The following WDR1 variants were observed in gnomAD, a reference collection of about 807,000 sequenced individuals.
WDR1 encodes WD repeat domain 1.
A neutral mutation model predicts 71.9 loss-of-function variants in WDR1; 21 were observed. The ratio of observed to expected loss-of-function variants is 0.29; its 90% CI spans 0.21 to 0.42. The LOEUF (loss-of-function observed/expected upper bound fraction) is 0.42, where lower values mean the gene tolerates loss of function less well. Among genes scored for constraint, WDR1 ranks in the 10% least tolerant of loss-of-function variants. The pLI is 1.00. For synonymous variants in WDR1, 424 were observed against 347.4 expected, an observed-to-expected ratio of 1.22 and a Z score of -2.45; for missense variants, 696 against 824.5, an observed-to-expected ratio of 0.84 and a Z score of 1.91.
At chr4:10,077,678 C>T in intron 13 of WDR1, 75 bp downstream of exon 13, 1 of 1,479,120 alleles carries the variant, frequency 6.8e-7, no homozygotes, top group Non-Finnish European at 9.0e-7. Flanking sequence ...TCAAGGTCAC[C>T]AAGTCACAGA....
At chr4:10,081,663 TG>T (rs57903680) in intron 10 of WDR1, among the ~76,000 whole-genome samples, 28,882 of 73,102 alleles carry the variant, frequency 0.4, 4,782 homozygotes, top group East Asian at 0.58. Flanking sequence ...CGGGGAGGGG[TG>T]GGGGGGGGGG....
intron 2 of WDR1, among the ~76,000 whole-genome samples, chr4:10,107,501 C>T (rs1008736614): frequency 2.0e-5 from 3 of 152,324 alleles, no homozygotes; most frequent in Admixed American, 1.3e-4. Context: ...GCCCACTCGT[C>T]GCTACCCTGC....
Position 10,078,989 on chromosome 4 carries a change from T to A in WDR1, c.1297A>T (p.Lys433Ter). 6.2e-7 allele frequency: 1 copy of A among 1,606,624 alleles called. No individual in the cohort carries two copies. Residue 433 changes from lysine (K) to a stop codon, truncating the protein, a stop_gained, in exon 12 of 15, where the codon AAG (lysine) becomes TAG (stop). Transcript: ENST00000499869. LOFTEE classifies it high-confidence loss of function. ...ATGCTGAAGCACTTCCTCTGATCCT[T>A]CAGCAGGACAATCTGTGGCACACAC... ...VVCIGQIVLL[K>*]DQRKCFSIDN...
At chr4:10,083,461 T>C (rs78118242) in intron 9 of WDR1, among the ~76,000 whole-genome samples, 222 of 152,274 alleles carry the variant, frequency 1.5e-3, no homozygotes, top group African/African-American at 5.1e-3. Flanking sequence ...GCGTCTCCTC[T>C]GCTACTAGTT....
intron 4 of WDR1, among the ~76,000 whole-genome samples, chr4:10,098,558 C>G (rs887390798): frequency 3.3e-5 from 5 of 152,208 alleles, no homozygotes; most frequent in Admixed American, 2.0e-4. Context: ...CAGCCAGCAT[C>G]CACTGCCCCT....
Position 10,110,523 on chromosome 4 carries a change from T to C in WDR1, c.138+5590A>G, listed in dbSNP as rs766972869. Among the ~76,000 whole-genome samples the C allele has an allele frequency of 2.0e-5, 3 of 152,194 alleles. No individual in the cohort carries two copies. In the South Asian group the frequency reaches 6.2e-4, roughly 32 times the overall value. ...AGAGGACCCAGGTACACATGCTGTT[T>C]CCTGCCTGGTTTCTCCCCACCTCTG... is the stretch of plus-strand genomic sequence containing the variant. On this transcript the variant is annotated intron_variant, in intron 2 of 14. Transcript: ENST00000499869.
intron 11 of WDR1, among the ~76,000 whole-genome samples, chr4:10,080,041 C>G (rs937300110): frequency 5.9e-5 from 9 of 152,168 alleles, no homozygotes; most frequent in Non-Finnish European, 1.5e-5. Flanking sequence ...TTCCAGATGC[C>G]CTGGGAGGAT....
intron 8 of WDR1, among the ~76,000 whole-genome samples, chr4:10,085,522 C>G (rs1053860391): frequency 2.0e-5 from 3 of 152,246 alleles, no homozygotes; most frequent in Non-Finnish European, 4.4e-5. Flanking sequence ...GGACCTCAGA[C>G]CAGCACAGCC....
In WDR1 at chr4:10,084,429, G is replaced by C. The variant is rs370935468; in HGVS notation, c.1039+14C>G. On this transcript the variant is annotated intron_variant, in intron 9 of 14. Coordinates refer to ENST00000499869, the MANE Select transcript of WDR1 (RefSeq NM_017491.5). The stretch of plus-strand genomic sequence containing the variant: ...CCAGCGGCTCCGGAGCCAGCTCTTT[G>C]AGTCAAAGGATATTAATGTGTCCGT... The C allele has an allele frequency of 5.6e-5, 90 of 1,612,246 alleles. No homozygotes were observed. The highest frequency in any genetic ancestry group is 7.3e-5 in the Non-Finnish European group (86 of 1,178,926).
chr4:10,099,157 CGGGGGAGG>C lies in WDR1; in HGVS notation c.230-26_230-19del, dbSNP rs771047265. On this transcript the variant is annotated intron_variant, in intron 3 of 14. Coordinates refer to ENST00000499869, the MANE Select transcript of WDR1 (RefSeq NM_017491.5). Reference sequence around the variant, plus strand: ...AGACACATCTGTGGGGCACAGCGGGCGGGGGAGGGGGGGAGGCGGTGGTGGGGTAAAGG... The same window carrying C: ...AGACACATCTGTGGGGCACAGCGGGCGGGGGAGGCGGTGGTGGGGTAAAGG... The C allele has an allele frequency of 4.4e-4, 100 of 226,020 alleles. No individual in the cohort carries two copies. Among genetic ancestry groups the C allele is most frequent in the Non-Finnish European group, 6.3e-4 (93 of 148,590 alleles). The allele number at this position is 226,020 out of a possible 1,614,324, so 14.0% of individuals were successfully genotyped here.
chr4:10,092,711 C>T (rs547479823), intron 5 of WDR1: 18 of 264,140 alleles, frequency 6.8e-5, no homozygotes, highest in Non-Finnish European at 1.2e-4. Context: ...GCCCATTAAC[C>T]AAAAAAAGCG....
At chr4:10,078,821 C>T (rs1422322515) in intron 12 of WDR1, 70 bp downstream of exon 12, 2 of 1,361,934 alleles carry the variant, frequency 1.5e-6, no homozygotes, top group African/African-American at 1.5e-5. Context: ...GGTACTCACA[C>T]AGCTCACACT....
intron 5 of WDR1, chr4:10,094,761 T>C (rs1321644958): frequency 6.6e-6 from 1 of 152,196 alleles, no homozygotes; most frequent in Non-Finnish European, 1.5e-5. Context: ...ACTCCCATCT[T>C]CCTGGAGCCT....
Position 10,113,634 on chromosome 4 carries a change from C to T in WDR1, c.138+2479G>A, listed in dbSNP as rs79223582. ...GCAACAAGGGTGAAAGCAAGGAGAC[C>T]TGTTTGGTTTTCGGGAGTCTGGGGG... On this transcript the variant is annotated intron_variant, in intron 2 of 14. Transcript: ENST00000499869. Among the ~76,000 whole-genome samples the T allele has an allele frequency of 8.6e-3, 1,306 of 152,292 alleles. 17 individuals are homozygous for T. Among genetic ancestry groups the T allele is most frequent in the African/African-American group, 0.03 (1,226 of 41,552 alleles).
intron 7 of WDR1, 97 bp from the exon 8 acceptor site, chr4:10,088,037 C>A: frequency 8.3e-7 from 1 of 1,207,620 alleles, no homozygotes; most frequent in East Asian, 2.5e-5. Flanking sequence ...TTGAGTAGGA[C>A]AGAAGGAGCC....
At position 10,116,343 on chromosome 4, in the gene WDR1, C is replaced by T. The variant is rs747105212; in HGVS notation, c.17-109G>A. On this transcript the variant is annotated intron_variant, in intron 1 of 14. Coordinates refer to ENST00000499869, the MANE Select transcript of WDR1 (RefSeq NM_017491.5). ...CTCGGCCGGTCACCTGTTGACTGCG[C>T]CGGGAGGGCGGCCTCCACTTTCCAC... 3.4e-6 allele frequency: 5 copies of T among 1,484,864 alleles called. No homozygotes were observed. In the African/African-American group the frequency reaches 4.2e-5, roughly 12 times the overall value. The allele number at this position is 1,484,864 out of a possible 1,614,324, so 92.0% of individuals were successfully genotyped here.
rs1374830888 is a variant in WDR1 at position 10,097,724 on chromosome 4, T to C, written c.545A>G (p.Lys182Arg). 1 of 1,608,048 alleles carries C rather than the reference T, an allele frequency of 6.2e-7. No homozygotes were observed. Among genetic ancestry groups the C allele is most frequent in the African/African-American group, 1.3e-5 (1 of 74,722 alleles). ...AFFEGPPFKFKFTIGDHSRFV... is the reference protein window; with the variant it reads ...AFFEGPPFKFRFTIGDHSRFV... ...AAGTTCACTTACGCCAATTGTGAAC[T>C]TGAACTTGAATGGGGGTCCCTCAAA... is the stretch of plus-strand genomic sequence containing the variant. The change falls in exon 5 of 15, where the codon AAG (lysine) becomes AGG (arginine). Residue 182 changes from lysine to arginine, a missense_variant. Transcript: ENST00000499869.
rs535181940 is a variant in WDR1, at chr4:10,104,541, A to G, written c.139-555T>C. Among the ~76,000 whole-genome samples, 4 of 152,338 alleles carry G rather than the reference A, an allele frequency of 2.6e-5. No homozygotes were observed. In the East Asian group the frequency reaches 7.7e-4, roughly 29 times the overall value. ...GAAAGTCGATTCCCCACTCCCTTGCATAGCACAGATCAAAGGCTGGGTGGA... is the reference window on the plus strand; with the variant it reads ...GAAAGTCGATTCCCCACTCCCTTGCGTAGCACAGATCAAAGGCTGGGTGGA... On this transcript the variant is annotated intron_variant, in intron 2 of 14. Coordinates refer to ENST00000499869, the MANE Select transcript of WDR1 (RefSeq NM_017491.5).
chr4:10,105,019 T>TG (rs1204084869), intron 2 of WDR1, among the ~76,000 whole-genome samples: 3 of 152,120 alleles, frequency 2.0e-5, no homozygotes, highest in African/African-American at 7.2e-5. Flanking sequence ...CCCTGATTCC[T>TG]GCCCACCTTC....
Sources: allele counts gnomAD v4.1 joint callset (sites outside exome capture counted in the v4.1 genomes callset), GRCh38; gene constraint gnomAD v4.1.1; transcripts MANE v1.5; gene names NCBI Gene and HGNC (gene_info 2026-07-23, HGNC 2026-07-21).